CNOT1: variants seen among roughly 807,000 people sequenced by gnomAD.
CNOT1 encodes the protein CCR4-NOT transcription complex subunit 1, also known as CCR4-associated factor 1.
CNOT1 carries 15 observed loss-of-function variants against 273.8 expected under a neutral mutation model. The ratio of observed to expected loss-of-function variants is 0.05; its 90% confidence interval spans 0.04 to 0.08. The LOEUF is 0.08. CNOT1 is among the 10% of genes least tolerant of loss of function. CNOT1 has a pLI of 1.00. For missense variants in CNOT1, 1,644 were observed against 2,912.2 expected (o/e 0.56, Z 10.02); for synonymous variants, 1,022 against 1,005.5 (o/e 1.02, Z -0.31).
chr16:58,548,770 C>T (rs1438259561), intron 25 of CNOT1: 3 of 377,862 alleles, frequency 7.9e-6, no homozygotes, highest in African/African-American at 4.2e-5. Flanking sequence ...TAAGCCTCAG[C>T]TCAGTAGAAT....
chr16:58,572,949 ATAAT>A (rs1250139798), intron 16 of CNOT1, among the ~76,000 whole-genome samples: 4 of 151,532 alleles, frequency 2.6e-5, no homozygotes, highest in South Asian at 2.1e-4. Context: ...AATAAATAAA[ATAAT>A]TAATAAATTT....
At chr16:58,588,075 G>T (rs1208835207) in intron 3 of CNOT1, among the ~76,000 whole-genome samples, 197 bp from the exon 4 acceptor site, 1 of 152,146 alleles carries the variant, frequency 6.6e-6, no homozygotes, top group African/African-American at 2.4e-5. Context: ...AATGCAGGTG[G>T]ATCACCTGAG....
At position 58,534,317 on chromosome 16, in the gene CNOT1, T is replaced by C. The variant is rs929203406; in HGVS notation, c.5725A>G (p.Ile1909Val). ...FRLCTEMCVE[I>V]SYRAQAEQQH... Reference sequence around the variant, plus strand: ...TGCTCAGCCTGAGCACGGTAACTGATTTCAACACACATTTCAGTACACAGA... The same window carrying C: ...TGCTCAGCCTGAGCACGGTAACTGACTTCAACACACATTTCAGTACACAGA... The change falls in exon 40 of 49, where the codon ATC becomes GTC. Residue 1909 changes from isoleucine to valine, a missense_variant. Coordinates refer to ENST00000317147, the MANE Select transcript of CNOT1 (RefSeq NM_016284.5). The C allele has an allele frequency of 1.9e-6, 3 of 1,614,120 alleles. No homozygotes were observed. Among genetic ancestry groups the C allele is most frequent in the Non-Finnish European group, 2.5e-6 (3 of 1,180,016 alleles).
At chr16:58,592,262 C>T (rs1173420704) in intron 2 of CNOT1, among the ~76,000 whole-genome samples, 2 of 151,840 alleles carry the variant, frequency 1.3e-5, no homozygotes, top group Non-Finnish European at 2.9e-5. Context: ...TGGTGAGGAG[C>T]AGACAGCATG....
chr16:58,571,749 G>C (rs1218364802), intron 16 of CNOT1, among the ~76,000 whole-genome samples: 1 of 152,026 alleles, frequency 6.6e-6, no homozygotes, highest in Non-Finnish European at 1.5e-5. Context: ...AGGCTGAGGC[G>C]AGTGGATCAC....
chr16:58,622,345 G>A (rs929926155), intron 1 of CNOT1, among the ~76,000 whole-genome samples: 2 of 56,118 alleles, frequency 3.6e-5, no homozygotes, highest in Non-Finnish European at 8.5e-5. Flanking sequence ...GGGGGGGGGG[G>A]GGGGGCGGGC....
rs372837610 is a variant in CNOT1 at position 58,546,405 on chromosome 16, G to C, written c.3922C>G (p.Arg1308Gly). 23 of 1,613,770 alleles carry C rather than the reference G, an allele frequency of 1.4e-5. No homozygotes were observed. The highest frequency in any genetic ancestry group is 4.2e-6 in the Non-Finnish European group (5 of 1,179,948). ...AGTTGCTCATCTAAATTCTTCAGGC[G>C]ATCTTTATCCTTTAGGAGGTTTCCA... ...KPGNLLKDKD[R>G]LKNLDEQLSA... Residue 1308 changes from arginine (R) to glycine (G), a missense_variant, in exon 29 of 49, where the codon CGC becomes GGC. By Grantham distance (125) the Arg-to-Gly change is moderately radical (BLOSUM62 -2). Around this residue, in one of 13 missense-constraint regions of CNOT1, gnomAD observed 52 missense variants for 50.2 expected, o/e 1.04. Coordinates refer to ENST00000317147, the MANE Select transcript of CNOT1 (RefSeq NM_016284.5).
In CNOT1 at chr16:58,625,950, A is replaced by G. The variant is rs548516256; in HGVS notation, c.-175+3778T>C. On this transcript the variant is annotated intron_variant, in intron 1 of 48. Transcript: ENST00000317147. ...TCAAAGATTCATCTTTAAAATTGTG[A>G]GCAAACAGAAAAGGAATTGCTAGAT... Among the ~76,000 whole-genome samples, 7 of 151,878 alleles carry G rather than the reference A, an allele frequency of 4.6e-5. No individual in the cohort carries two copies. In the South Asian group the frequency reaches 1.5e-3, roughly 32 times the overall value.
intron 16 of CNOT1, 132 bp from the exon 17 acceptor site, chr16:58,560,494 A>G: frequency 7.7e-6 from 11 of 1,420,512 alleles, no homozygotes; most frequent in South Asian, 3.1e-5. Context: ...GTGCAGTAGC[A>G]CGATATCAAT....
Position 58,547,107 on chromosome 16 carries a change from A to C in CNOT1, c.3750+79T>G, listed in dbSNP as rs1277285986. 2.0e-6 allele frequency: 3 copies of C among 1,522,532 alleles called. No homozygotes were observed. The African/African-American group carries it at 4.2e-5, about 21-fold the overall frequency. 94.3% of individuals were successfully genotyped at this position (1,522,532 alleles called of 1,614,324 possible). ...CTAGCTTTACCTCACAAGAACTAAG[A>C]ATATAATCTCTTGACCTCATGCTAA... On this transcript the variant is annotated intron_variant, in intron 27 of 48. Transcript: ENST00000317147. The surrounding 1 kb of genome is among the most constrained non-coding windows in gnomAD (Gnocchi z 4.0).
chr16:58,541,402 A>G (rs2040092796), intron 34 of CNOT1, 99 bp downstream of exon 34: 1 of 1,515,740 alleles, frequency 6.6e-7, no homozygotes, highest in Non-Finnish European at 8.9e-7. Flanking sequence ...TTTCCCCTGT[A>G]AATTATTCTC....
chr16:58,538,274 A>G lies in CNOT1; in HGVS notation c.5136-8T>C. On this transcript the variant is annotated splice_polypyrimidine_tract_variant and splice_region_variant and intron_variant, in intron 36 of 48. Transcript: ENST00000317147. ...CGACATTCAATTAGGCACCTAGAAA[A>G]AGTTCAATATCTTTACTCATATAGG... 9.2e-7 allele frequency: 1 copy of G among 1,082,970 alleles called. No individual in the cohort carries two copies. The highest frequency in any genetic ancestry group is 1.2e-5 in the South Asian group (1 of 80,488). 67.1% of individuals were successfully genotyped at this position (1,082,970 alleles called of 1,614,324 possible). A position where few individuals can be genotyped will look rare whatever the true frequency, so the allele number is the denominator to read the frequency against.
chr16:58,520,892 G>C lies in CNOT1; in HGVS notation c.*66C>G, dbSNP rs545402957. On this transcript the variant is annotated 3_prime_UTR_variant, in exon 49 of 49. Coordinates refer to ENST00000317147, the MANE Select transcript of CNOT1 (RefSeq NM_016284.5). ...CAGGAAGAGCTGAAAGGATTCTTCAGTCAGTTTATGAACTCGGTGCAGTGA... is the reference window on the plus strand; with the variant it reads ...CAGGAAGAGCTGAAAGGATTCTTCACTCAGTTTATGAACTCGGTGCAGTGA... 1 of 1,507,164 alleles carries C rather than the reference G, an allele frequency of 6.6e-7. No individual in the cohort carries two copies. Among genetic ancestry groups the C allele is most frequent in the Admixed American group, 1.7e-5 (1 of 59,738 alleles). The allele number at this position is 1,507,164 out of a possible 1,614,324, so 93.4% of individuals were successfully genotyped here.
chr16:58,584,717 AC>A (rs1271099302), intron 8 of CNOT1, among the ~76,000 whole-genome samples: 1 of 152,178 alleles, frequency 6.6e-6, no homozygotes, highest in Non-Finnish European at 1.5e-5. Flanking sequence ...TCACAAATGC[AC>A]TATTTCAAAC....
intron 16 of CNOT1, among the ~76,000 whole-genome samples, chr16:58,565,571 G>A (rs2151950261): frequency 6.6e-6 from 1 of 152,252 alleles, no homozygotes; most frequent in East Asian, 1.9e-4. Flanking sequence ...ATTGCATTAA[G>A]TTGTCACCTC....
At chr16:58,585,916 A>G (rs1295910465) in intron 7 of CNOT1, among the ~76,000 whole-genome samples, 1 of 152,122 alleles carries the variant, frequency 6.6e-6, no homozygotes, top group East Asian at 1.9e-4. Flanking sequence ...CATTAAAATT[A>G]AACTCTATAA....
intron 22 of CNOT1, among the ~76,000 whole-genome samples, chr16:58,552,766 G>A (rs1318344308): frequency 6.6e-6 from 1 of 152,152 alleles, no homozygotes; most frequent in African/African-American, 2.4e-5. Context: ...CCTACTGCAT[G>A]TTAAAAATAA....
intron 34 of CNOT1, among the ~76,000 whole-genome samples, chr16:58,540,408 A>G (rs1185694550): frequency 6.6e-6 from 1 of 152,258 alleles, no homozygotes; most frequent in Non-Finnish European, 1.5e-5. Flanking sequence ...TCCTATTTTT[A>G]AAAACACATT....
At chr16:58,623,190 CA>C (rs34089043) in intron 1 of CNOT1, 110,685 of 145,928 alleles carry the variant, frequency 0.76, 41,592 homozygotes, top group Middle Eastern at 0.86. Context: ...ACTCTGCCTC[CA>C]AAAAAAAAAA....
Sources: allele counts gnomAD v4.1 joint callset (sites outside exome capture counted in the v4.1 genomes callset), GRCh38; gene constraint gnomAD v4.1.1; regional missense constraint gnomAD v4.1.1; non-coding constraint Gnocchi (gnomAD v3.1); transcripts MANE v1.5; gene names NCBI Gene and HGNC (gene_info 2026-07-23, HGNC 2026-07-21).